Variants in PRKDC observed in about 807,000 individuals in gnomAD.
PRKDC encodes the protein protein kinase, DNA-activated, catalytic subunit.
In PRKDC, 82 loss-of-function variants were observed where a neutral mutation model predicts 486.9. That is an observed-to-expected ratio of 0.17 (90% CI 0.14 to 0.20). PRKDC has a LOEUF of 0.20. Ranked by LOEUF, PRKDC falls within the 10% of genes least tolerant of loss-of-function variation. PRKDC has a pLI of 1.00. For synonymous variants in PRKDC, 1,895 were observed against 1,837.0 expected, an observed-to-expected ratio of 1.03 and a Z score of -0.81; for missense variants, 4,504 against 5,038.2, an observed-to-expected ratio of 0.89 and a Z score of 3.21.
Position 47,888,648 on chromosome 8 carries a change from A to T in PRKDC, c.4283T>A (p.Ile1428Asn). 1 of 1,577,662 alleles carries T rather than the reference A, an allele frequency of 6.3e-7. No individual in the cohort carries two copies. Among genetic ancestry groups the T allele is most frequent in the South Asian group, 1.2e-5 (1 of 84,414 alleles). The change falls in exon 34 of 86, where the codon ATT becomes AAT. Residue 1428 changes from isoleucine to asparagine, a missense_variant and splice_region_variant. Physicochemically the swap from Ile to Asn is moderately radical, Grantham distance 149. Coordinates refer to ENST00000314191, the MANE Select transcript of PRKDC (RefSeq NM_006904.7). ...CAAGTTGACGGCACAAAGCTCCTCA[A>T]TGCTGGCCATGTGACAAAACAGTAA... ...HLREKITAQSIEELCAVNLYG... is the reference protein window; with the variant it reads ...HLREKITAQSNEELCAVNLYG...
intron 30 of PRKDC, among the ~76,000 whole-genome samples, chr8:47,895,876 T>C (rs1589773638): frequency 6.6e-6 from 1 of 152,106 alleles, no homozygotes; most frequent in African/African-American, 2.4e-5. Flanking sequence ...CCGTCTCTAC[T>C]AAAAACACAA....
chr8:47,889,530 G>A (rs544081661), intron 32 of PRKDC, among the ~76,000 whole-genome samples: 2 of 152,348 alleles, frequency 1.3e-5, no homozygotes, highest in South Asian at 2.1e-4. Flanking sequence ...GGGTTTCCCC[G>A]CCCCTGACTC....
intron 15 of PRKDC, 58 bp downstream of exon 15, chr8:47,933,907 C>T: frequency 6.6e-7 from 1 of 1,511,040 alleles, no homozygotes; most frequent in Non-Finnish European, 9.0e-7. Flanking sequence ...TATGTCTAAA[C>T]TATGGAGACT....
chr8:47,864,550 T>C lies in PRKDC; in HGVS notation c.5571+6A>G, dbSNP rs1563773982. On this transcript the variant is annotated splice_donor_region_variant and intron_variant, in intron 41 of 85. Transcript: ENST00000314191. ...CTTCTTATTACTGATTTAAGGCGTA[T>C]GATACCTTTGTAAACCTGGACTTCA... The C allele has an allele frequency of 1.9e-6, 3 of 1,602,422 alleles. No individual in the cohort carries two copies. Among genetic ancestry groups the C allele is most frequent in the Non-Finnish European group, 1.7e-6 (2 of 1,174,864 alleles).
At chr8:47,906,720 T>C (rs1157694228) in intron 25 of PRKDC, among the ~76,000 whole-genome samples, 2 of 151,386 alleles carry the variant, frequency 1.3e-5, no homozygotes, top group Non-Finnish European at 2.9e-5. Flanking sequence ...AGGGCTTTTA[T>C]AGGAGTACTG....
At position 47,953,654 on chromosome 8, in the gene PRKDC, T is replaced by A. The variant is rs2090659866; in HGVS notation, c.687A>T (p.Ser229=). ...VLAGCLKGLS[S]LLCNFTKSME... The stretch of plus-strand genomic sequence containing the variant: ...TGGACTTAGTGAAGTTGCACAGAAG[T>A]GAGGACAACCCCTTCAGACATCCTG... Residue 229 remains serine (S), a synonymous_variant, in exon 7 of 86, where the codon TCA becomes TCT. Transcript: ENST00000314191. 1.2e-6 allele frequency: 2 copies of A among 1,613,598 alleles called. No individual in the cohort carries two copies. Among genetic ancestry groups the A allele is most frequent in the Non-Finnish European group, 1.7e-6 (2 of 1,179,738 alleles).
chr8:47,888,660 T>C lies in PRKDC; in HGVS notation c.4281-10A>G. On this transcript the variant is annotated splice_polypyrimidine_tract_variant and intron_variant, in intron 33 of 85. Transcript: ENST00000314191. Reference sequence around the variant, plus strand: ...ACAAAGCTCCTCAATGCTGGCCATGTGACAAAACAGTAAATTAGGTGAGCT... The same window carrying C: ...ACAAAGCTCCTCAATGCTGGCCATGCGACAAAACAGTAAATTAGGTGAGCT... 6.4e-7 allele frequency: 1 copy of C among 1,564,568 alleles called. No individual in the cohort carries two copies. The highest frequency in any genetic ancestry group is 8.7e-7 in the Non-Finnish European group (1 of 1,155,912).
chr8:47,775,163 G>A (rs1026865015), intron 85 of PRKDC, among the ~76,000 whole-genome samples: 3 of 150,666 alleles, frequency 2.0e-5, no homozygotes, highest in African/African-American at 4.9e-5. Context: ...CTCCAGCCTG[G>A]GTGACAGAGC....
intron 66 of PRKDC, 69 bp from the exon 67 acceptor site, chr8:47,819,579 T>C: frequency 1.2e-6 from 1 of 817,192 alleles, no homozygotes; most frequent in South Asian, 2.4e-5. Flanking sequence ...AGCTGTGACT[T>C]TAAGTTTTTA....
intron 68 of PRKDC, among the ~76,000 whole-genome samples, chr8:47,816,562 A>G (rs1254280293): frequency 6.6e-6 from 1 of 152,244 alleles, no homozygotes; most frequent in Admixed American, 6.5e-5. Context: ...CAGTAGTTAC[A>G]TAAAGAAAAA....
intron 67 of PRKDC, among the ~76,000 whole-genome samples, chr8:47,819,100 C>T (rs976896212): frequency 6.6e-6 from 1 of 152,178 alleles, no homozygotes; most frequent in Non-Finnish European, 1.5e-5. Context: ...CCTCTCAGGC[C>T]AGGGTGGGCC....
At chr8:47,910,683 G>C (rs921894230) in intron 25 of PRKDC, among the ~76,000 whole-genome samples, 1 of 152,022 alleles carries the variant, frequency 6.6e-6, no homozygotes, top group South Asian at 2.1e-4. Context: ...AATTAATTCT[G>C]GATTTTTTAC....
rs368533996 is a variant in PRKDC at position 47,798,195 on chromosome 8, T to C, written c.10458+42A>G. On this transcript the variant is annotated intron_variant, in intron 73 of 85. Coordinates refer to ENST00000314191, the MANE Select transcript of PRKDC (RefSeq NM_006904.7). ...AATATAAATAAGCGTATCTTTAAGT[T>C]CTGTAAAGTTCCTTACCGCCAAGTA... is the stretch of plus-strand genomic sequence containing the variant. The C allele has an allele frequency of 2.1e-4, 333 of 1,585,334 alleles. No homozygotes were observed. The Middle Eastern group carries it at 4.1e-3, about 19-fold the overall frequency.
chr8:47,836,260 C>A (rs1039955811), intron 58 of PRKDC, 78 bp downstream of exon 58: 47 of 1,320,060 alleles, frequency 3.6e-5, no homozygotes, highest in Non-Finnish European at 4.6e-5. Context: ...CTCACAAAAG[C>A]CCAACACTGT....
chr8:47,945,049 G>A (rs529608891), intron 7 of PRKDC, among the ~76,000 whole-genome samples: 2 of 152,308 alleles, frequency 1.3e-5, no homozygotes, highest in East Asian at 3.9e-4. Flanking sequence ...TGGGGAAAAG[G>A]TCATTCAGAT....
chr8:47,796,720 C>G (rs1261673853), intron 73 of PRKDC, among the ~76,000 whole-genome samples: 1 of 151,990 alleles, frequency 6.6e-6, no homozygotes, highest in East Asian at 1.9e-4. Flanking sequence ...CTGCCTCAGC[C>G]TCCCGAGTAG....
intron 11 of PRKDC, 35 bp from the exon 12 acceptor site, chr8:47,936,552 C>CT: frequency 6.2e-7 from 1 of 1,607,512 alleles, no homozygotes; most frequent in Non-Finnish European, 8.5e-7. Context: ...CTTCATCAAT[C>CT]TTATCAAGAT....
At position 47,798,308 on chromosome 8, in the gene PRKDC, A is replaced by G. The variant is rs1240847102; in HGVS notation, c.10387T>C (p.Leu3463=). ...ALKLNSNEAR[L]KFPRLLQIIE... is the part of the protein sequence containing the mutation. ...ATCTGAAGTAATCTAGGAAACTTCA[A>G]TCTGGCTTCATTGGAATTTAATTTT... Residue 3463 remains leucine (L), a synonymous_variant, in exon 73 of 86, where the codon TTG becomes CTG. Transcript: ENST00000314191. 1.8e-5 allele frequency: 29 copies of G among 1,613,682 alleles called. No individual in the cohort carries two copies. Among genetic ancestry groups the G allele is most frequent in the Non-Finnish European group, 2.4e-5 (28 of 1,179,814 alleles).
At chr8:47,932,875 A>G (rs1363432007) in intron 16 of PRKDC, 145 bp downstream of exon 16, 3 of 580,450 alleles carry the variant, frequency 5.2e-6, no homozygotes, top group Non-Finnish European at 8.6e-6. Flanking sequence ...TCCAACAGAA[A>G]TGCATCAGTG....
Sources: gnomAD v4.1 joint callset for allele counts (sites outside exome capture counted in the v4.1 genomes callset) on GRCh38, gnomAD v4.1.1 for gene constraint, MANE v1.5 for transcripts, NCBI Gene and HGNC (gene_info 2026-07-23, HGNC 2026-07-21) for gene names.